The following SORCS2 variants were observed in gnomAD, a reference collection of about 807,000 sequenced individuals.
SORCS2 encodes the protein VPS10 domain-containing receptor SorCS2.
In SORCS2, 100 loss-of-function variants were observed where a neutral mutation model predicts 141.6. The observed-to-expected ratio is 0.71, with a 90% CI of 0.60 to 0.83. SORCS2 has a LOEUF of 0.83. SORCS2 is among the 40% of genes least tolerant of loss of function. The pLI is 0.00. For synonymous variants in SORCS2, 789 were observed against 676.9 expected, an observed-to-expected ratio of 1.17 and a Z score of -2.57; for missense variants, 1,646 against 1,560.2, an observed-to-expected ratio of 1.05 and a Z score of -0.93.
At chr4:7,722,759 A>G (rs1402184614) in intron 18 of SORCS2, among the ~76,000 whole-genome samples, 1 of 152,210 alleles carries the variant, frequency 6.6e-6, no homozygotes, top group Admixed American at 6.5e-5. Flanking sequence ...GGAGACACTG[A>G]CCAGCTCAAT....
chr4:7,577,306 A>G (rs1176393113), intron 3 of SORCS2, among the ~76,000 whole-genome samples: 1 of 152,224 alleles, frequency 6.6e-6, no homozygotes, highest in Non-Finnish European at 1.5e-5. Context: ...GCAGGTGGGT[A>G]GACAGGTAAA....
chr4:7,703,418 CT>C, intron 13 of SORCS2, 47 bp downstream of exon 13: 1 of 1,510,216 alleles, frequency 6.6e-7, no homozygotes, highest in Non-Finnish European at 9.1e-7. Context: ...GGCTGGGGCT[CT>C]TTCTTTCCAC....
intron 3 of SORCS2, among the ~76,000 whole-genome samples, chr4:7,559,462 G>T (rs1009903304): frequency 5.9e-5 from 9 of 152,166 alleles, no homozygotes; most frequent in African/African-American, 1.9e-4. Context: ...CGTGGAGGCC[G>T]ACCCCGTTGG....
chr4:7,451,101 TGAATGAGTGAGTGAATGAAC>T (rs1728411682), intron 2 of SORCS2, among the ~76,000 whole-genome samples: 1 of 151,830 alleles, frequency 6.6e-6, no homozygotes, highest in Admixed American at 6.6e-5. Flanking sequence ...ACTGAGTGAG[TGAATGAGTGAGTGAATGAAC>T]GAATGAGTGA....
At chr4:7,626,105 C>A (rs1343577600) in intron 3 of SORCS2, among the ~76,000 whole-genome samples, 2 of 152,018 alleles carry the variant, frequency 1.3e-5, no homozygotes, top group South Asian at 2.1e-4. Context: ...TGAGATCACA[C>A]CACTGCACTC....
At chr4:7,486,265 A>G (rs904099447) in intron 2 of SORCS2, among the ~76,000 whole-genome samples, 7 of 35,860 alleles carry the variant, frequency 2.0e-4, no homozygotes, top group African/African-American at 8.0e-4. Flanking sequence ...TCACAGCCCA[A>G]CCTGAGGGCT....
At chr4:7,670,605 C>T (rs1328518666) in intron 8 of SORCS2, among the ~76,000 whole-genome samples, 1 of 152,190 alleles carries the variant, frequency 6.6e-6, no homozygotes, top group Non-Finnish European at 1.5e-5. Context: ...ACGACACGGG[C>T]AGAACCCATC....
chr4:7,314,316 T>A (rs1479201276), intron 1 of SORCS2, among the ~76,000 whole-genome samples: 1 of 150,054 alleles, frequency 6.7e-6, no homozygotes, highest in Non-Finnish European at 1.5e-5. Flanking sequence ...CCTAAGAAAA[T>A]CATGGCCTTT....
At chr4:7,372,083 A>C (rs1250387281) in intron 1 of SORCS2, among the ~76,000 whole-genome samples, 2 of 152,180 alleles carry the variant, frequency 1.3e-5, no homozygotes, top group Non-Finnish European at 2.9e-5. Context: ...GTCTAGAAAC[A>C]GGCAGGACAT....
At chr4:7,730,597 A>G (rs1426543964) in intron 23 of SORCS2, among the ~76,000 whole-genome samples, 3 of 152,226 alleles carry the variant, frequency 2.0e-5, no homozygotes, top group African/African-American at 7.2e-5. Context: ...GCATGGACGA[A>G]CCTTGAAAAC....
chr4:7,400,459 G>GCCC (rs1577502267), intron 2 of SORCS2, among the ~76,000 whole-genome samples: 2 of 135,334 alleles, frequency 1.5e-5, no homozygotes, highest in South Asian at 5.0e-4. Context: ...TTTATGGTTT[G>GCCC]CCCCACCACC....
chr4:7,427,995 G>A (rs974265210), intron 2 of SORCS2, among the ~76,000 whole-genome samples: 4 of 152,136 alleles, frequency 2.6e-5, no homozygotes, highest in East Asian at 1.9e-4. Flanking sequence ...GAACAGGTTC[G>A]CTCACCTGGG....
At chr4:7,368,114 A>C (rs1409315642) in intron 1 of SORCS2, among the ~76,000 whole-genome samples, 14 of 152,142 alleles carry the variant, frequency 9.2e-5, no homozygotes, top group Non-Finnish European at 1.0e-4. Context: ...TGTGGTGGTG[A>C]GGCGGGTGGT....
chr4:7,356,240 T>G (rs923482447), intron 1 of SORCS2, among the ~76,000 whole-genome samples: 1 of 152,264 alleles, frequency 6.6e-6, no homozygotes, highest in African/African-American at 2.4e-5. Flanking sequence ...AGATACAGTA[T>G]GCATTTTGCT....
chr4:7,724,934 A>AGTGGTGATGGTG (rs1211676913), intron 19 of SORCS2, among the ~76,000 whole-genome samples: 9 of 88,152 alleles, frequency 1.0e-4, no homozygotes, highest in African/African-American at 5.9e-4. Context: ...TGGTGGTAGT[A>AGTGGTGATGGTG]GTGGTGATGG....
intron 1 of SORCS2, among the ~76,000 whole-genome samples, chr4:7,302,642 T>C (rs1717508222): frequency 6.6e-6 from 1 of 152,254 alleles, no homozygotes; most frequent in East Asian, 1.9e-4. Flanking sequence ...GACTTAACCA[T>C]GTAATTTCCC....
intron 1 of SORCS2, among the ~76,000 whole-genome samples, chr4:7,363,238 C>CCATCACCAT (rs913767190): frequency 4.1e-5 from 6 of 146,652 alleles, no homozygotes; most frequent in Non-Finnish European, 7.4e-5. Flanking sequence ...ATCATCACCA[C>CCATCACCAT]CATCACCATC....
At chr4:7,417,633 C>T (rs1179348068) in intron 2 of SORCS2, among the ~76,000 whole-genome samples, 4 of 152,212 alleles carry the variant, frequency 2.6e-5, no homozygotes, top group Non-Finnish European at 5.9e-5. Context: ...TCCTCAGTGA[C>T]TGTGGGACCC....
At chr4:7,556,894 ACCAT>A (rs374051512) in intron 3 of SORCS2, among the ~76,000 whole-genome samples, 14 of 129,560 alleles carry the variant, frequency 1.1e-4, no homozygotes, top group South Asian at 5.0e-4. Context: ...CCACCCACCC[ACCAT>A]CCATCCATCC....
Sources: gnomAD v4.1 joint callset for allele counts (sites outside exome capture counted in the v4.1 genomes callset) on GRCh38, gnomAD v4.1.1 for gene constraint, MANE v1.5 for transcripts, NCBI Gene and HGNC (gene_info 2026-07-23, HGNC 2026-07-21) for gene names.